Variants in HP1BP3 observed in about 807,000 individuals in gnomAD.
HP1BP3 encodes heterochromatin protein 1-binding protein 3.
In HP1BP3, 12 loss-of-function variants were observed where a neutral mutation model predicts 62.5. That is an observed-to-expected ratio of 0.19 (90% CI 0.12 to 0.31). The LOEUF (loss-of-function observed/expected upper bound fraction) is 0.31, where lower values mean the gene tolerates loss of function less well. Among genes scored for constraint, HP1BP3 ranks in the 10% least tolerant of loss-of-function variants. HP1BP3 has a pLI of 1.00. For missense variants in HP1BP3, 502 were observed against 651.8 expected (o/e 0.77, Z 2.50); for synonymous variants, 260 against 237.8 (o/e 1.09, Z -0.86).
At chr1:20,786,956 G>A (rs895200934) in intron 1 of HP1BP3, among the ~76,000 whole-genome samples, 3 of 151,936 alleles carry the variant, frequency 2.0e-5, no homozygotes, top group African/African-American at 2.4e-5. Context: ...CGCGCCGGAG[G>A]GCCCCTGAGG....
intron 2 of HP1BP3, 56 bp from the exon 3 acceptor site, chr1:20,779,967 T>C (rs987388841): frequency 1.0e-5 from 14 of 1,387,530 alleles, no homozygotes; most frequent in Admixed American, 1.9e-5. Context: ...CTTTTCTCTC[T>C]TTCTCAAAGG....
At chr1:20,770,827 CTTATT>C (rs2057025037) in intron 6 of HP1BP3, 98 bp downstream of exon 6, 1 of 874,368 alleles carries the variant, frequency 1.1e-6, no homozygotes, top group Non-Finnish European at 1.7e-6. Flanking sequence ...CATCATGAAA[CTTATT>C]TTTAACAAAA....
rs183297443 is a variant in HP1BP3, at chr1:20,770,098, G to A, written c.654+832C>T. Among the ~76,000 whole-genome samples the A allele has an allele frequency of 5.2e-4, 79 of 152,242 alleles. No individual in the cohort carries two copies. In the East Asian group the frequency reaches 0.015, roughly 29 times the overall value. On this transcript the variant is annotated intron_variant, in intron 6 of 12. Coordinates refer to ENST00000438032, the MANE Select transcript of HP1BP3 (RefSeq NM_001372052.1). The stretch of plus-strand genomic sequence containing the variant: ...GATTTCTATGGTTCTAAGTTTCCAT[G>A]CACTATGCAAGATAAAGTAGATTTA...
At chr1:20,776,992 A>G (rs1177818851) in intron 3 of HP1BP3, among the ~76,000 whole-genome samples, 2 of 152,226 alleles carry the variant, frequency 1.3e-5, no homozygotes, top group Non-Finnish European at 1.5e-5. Context: ...ATAGAAAGGA[A>G]AACTCATTTC....
At chr1:20,786,430 A>G (rs2057835787) in intron 1 of HP1BP3, 1 of 152,324 alleles carries the variant, frequency 6.6e-6, no homozygotes, top group African/African-American at 2.4e-5. Flanking sequence ...CAAAGCAGCG[A>G]GGCGAGGTAG....
At chr1:20,769,414 T>C (rs1204593851) in intron 6 of HP1BP3, among the ~76,000 whole-genome samples, 4 of 152,024 alleles carry the variant, frequency 2.6e-5, no homozygotes, top group African/African-American at 9.7e-5. Context: ...AAAAATTAGC[T>C]GGGTGTGCTG....
chr1:20,776,794 A>G lies in HP1BP3; in HGVS notation c.197-44T>C, dbSNP rs1412226640. ...AGAATTGCATAAGCAGATGTATTCC[A>G]ATCTGAGTCAATAAAAGGTAAAAGC... On this transcript the variant is annotated intron_variant, in intron 3 of 12. Coordinates refer to ENST00000438032, the MANE Select transcript of HP1BP3 (RefSeq NM_001372052.1). 2.0e-6 allele frequency: 3 copies of G among 1,520,982 alleles called. No individual in the cohort carries two copies. The African/African-American group carries it at 4.2e-5, about 21-fold the overall frequency. 94.2% of individuals were successfully genotyped at this position (1,520,982 alleles called of 1,614,324 possible).
At chr1:20,779,090 C>T (rs79476497) in intron 3 of HP1BP3, among the ~76,000 whole-genome samples, 2,980 of 152,142 alleles carry the variant, frequency 0.02, 27 homozygotes, top group Non-Finnish European at 0.024. Context: ...GTGCCCGGCC[C>T]TCTATTCCTA....
chr1:20,765,594 A>G (rs1167672255), intron 7 of HP1BP3, 63 bp from the exon 8 acceptor site: 45 of 1,333,700 alleles, frequency 3.4e-5, no homozygotes, highest in Non-Finnish European at 1.6e-5. Flanking sequence ...CATACAACTC[A>G]AGGGCTTTCC....
intron 6 of HP1BP3, among the ~76,000 whole-genome samples, chr1:20,770,232 T>C (rs1184131522): frequency 2.6e-5 from 4 of 152,206 alleles, no homozygotes; most frequent in Non-Finnish European, 5.9e-5. Flanking sequence ...GGTGAGCACA[T>C]TTATGAAGCT....
chr1:20,743,438 T>G lies in HP1BP3; in HGVS notation c.*1359A>C, dbSNP rs945023491. 6.6e-6 allele frequency: 1 copy of G among 151,814 alleles called. No individual in the cohort carries two copies. The highest frequency in any genetic ancestry group is 6.6e-5 in the Admixed American group (1 of 15,230). 9.4% of individuals were successfully genotyped at this position (151,814 alleles called of 1,614,324 possible). A position where few individuals can be genotyped will look rare whatever the true frequency, so the allele number is the denominator to read the frequency against. On this transcript the variant is annotated 3_prime_UTR_variant, in exon 13 of 13. Transcript: ENST00000438032. ...CAGGATTTTGGGAGGCTGAGGTGAG[T>G]GGATCACGAGGTCAGGAGATCGAGA...
chr1:20,766,051 G>T (rs1416150600), intron 7 of HP1BP3, among the ~76,000 whole-genome samples: 2 of 152,052 alleles, frequency 1.3e-5, no homozygotes, highest in African/African-American at 2.4e-5. Context: ...CAGCACTTTG[G>T]GGGGCTGAGG....
chr1:20,749,361 C>CTT (rs11377726), intron 10 of HP1BP3, among the ~76,000 whole-genome samples: 16 of 138,892 alleles, frequency 1.2e-4, no homozygotes, highest in African/African-American at 2.4e-4. Context: ...CTTTTCTTTT[C>CTT]TTTTCTTTTT....
rs1403158065 is a variant in HP1BP3 at position 20,776,705 on chromosome 1, T to C, written c.242A>G (p.Gln81Arg). The part of the protein sequence containing the change: ...SEESVSTVEE[Q>R]ENETPPATSS... ...AGTAGCAGGTGGAGTTTCATTCTCTTGTTCTTCTACAGTGGAGACAGATTC... is the reference window on the plus strand; with the variant it reads ...AGTAGCAGGTGGAGTTTCATTCTCTCGTTCTTCTACAGTGGAGACAGATTC... The change falls in exon 4 of 13, where the codon CAA (glutamine) becomes CGA (arginine). Residue 81 changes from glutamine (Q) to arginine (R), a missense_variant. This residue lies in a region of HP1BP3 where 165 missense variants were observed against 156.4 expected (regional missense o/e 1.05). Coordinates refer to ENST00000438032, the MANE Select transcript of HP1BP3 (RefSeq NM_001372052.1). 6.2e-7 allele frequency: 1 copy of C among 1,613,846 alleles called. No individual in the cohort carries two copies. Among genetic ancestry groups the C allele is most frequent in the Non-Finnish European group, 8.5e-7 (1 of 1,179,932 alleles).
rs748919434 is a variant in HP1BP3 at position 20,779,835 on chromosome 1, G to A, written c.173C>T (p.Ala58Val). The A allele has an allele frequency of 3.7e-6, 6 of 1,612,476 alleles. No individual in the cohort carries two copies. The South Asian group carries it at 5.5e-5, about 15-fold the overall frequency. Residue 58 changes from alanine to valine, a missense_variant, in exon 3 of 13, where the codon GCT becomes GTT. Around this residue, in one of 5 missense-constraint regions of HP1BP3, gnomAD observed 165 missense variants for 156.4 expected, o/e 1.05. Coordinates refer to ENST00000438032, the MANE Select transcript of HP1BP3 (RefSeq NM_001372052.1). ...TRETPPKSKL[A>V]EGEEEKPEPD... ...ACCTGGCTTTTCTTCCTCCCCTTCA[G>A]CAAGCTTGCTTTTGGGAGGAGTTTC...
chr1:20,756,305 G>A (rs948445595), intron 9 of HP1BP3, among the ~76,000 whole-genome samples: 1 of 151,966 alleles, frequency 6.6e-6, no homozygotes, highest in African/African-American at 2.4e-5. Context: ...CTTCAAATAA[G>A]TAACCCAAAA....
At chr1:20,772,197 A>G (rs2057091885) in intron 5 of HP1BP3, among the ~76,000 whole-genome samples, 1 of 152,238 alleles carries the variant, frequency 6.6e-6, no homozygotes, top group Admixed American at 6.5e-5. Flanking sequence ...TGTTCAATAC[A>G]GAAAATGGTA....
At chr1:20,750,326 C>A (rs1317235792) in intron 9 of HP1BP3, 2 of 5,738 alleles carry the variant, frequency 3.5e-4, no homozygotes, top group Non-Finnish European at 6.4e-4. Context: ...ACTAAAAACA[C>A]ACACACACAC....
Position 20,780,442 on chromosome 1 carries a change from T to C in HP1BP3, c.-2A>G. 6.2e-7 allele frequency: 1 copy of C among 1,608,252 alleles called. No homozygotes were observed. The highest frequency in any genetic ancestry group is 1.1e-5 in the South Asian group (1 of 90,948). The stretch of plus-strand genomic sequence containing the variant: ...ACCTTGAGACGTATCAGTCGCCATT[T>C]TAAATAATTTCTAGGCCCGAGTACA... On this transcript the variant is annotated 5_prime_UTR_variant, in exon 2 of 13. Coordinates refer to ENST00000438032, the MANE Select transcript of HP1BP3 (RefSeq NM_001372052.1).
Sources: gnomAD v4.1 joint callset for allele counts (sites outside exome capture counted in the v4.1 genomes callset) on GRCh38, gnomAD v4.1.1 for gene constraint, gnomAD v4.1.1 regional missense constraint, MANE v1.5 for transcripts, NCBI Gene and HGNC (gene_info 2026-07-23, HGNC 2026-07-21) for gene names.